The following TCP11L2 variants were observed in gnomAD, a reference collection of about 807,000 sequenced individuals.
TCP11L2 encodes the protein T-complex protein 11-like protein 2.
TCP11L2 carries 39 observed loss-of-function variants against 50.7 expected under a neutral mutation model. The observed-to-expected ratio is 0.77, with a 90% confidence interval of 0.60 to 1.01. The LOEUF is 1.01. TCP11L2 is among the 50% of genes least tolerant of loss of function. The pLI is 0.00. For synonymous variants in TCP11L2, 192 were observed against 219.3 expected, an observed-to-expected ratio of 0.88 and a Z score of 1.10; for missense variants, 612 against 614.7, an observed-to-expected ratio of 1.00 and a Z score of 0.05.
At chr12:106,335,551 A>G in intron 6 of TCP11L2, 88 bp from the exon 7 acceptor site, 1 of 1,385,686 alleles carries the variant, frequency 7.2e-7, no homozygotes, top group Non-Finnish European at 9.9e-7. Context: ...ATTCATGCCC[A>G]GCACCCAACA....
At chr12:106,317,389 G>A (rs985745798) in intron 3 of TCP11L2, among the ~76,000 whole-genome samples, 2 of 152,122 alleles carry the variant, frequency 1.3e-5, no homozygotes, top group East Asian at 3.9e-4. Flanking sequence ...GGCAGTGCAT[G>A]CCTGTAATCC....
intron 6 of TCP11L2, among the ~76,000 whole-genome samples, chr12:106,331,949 T>C (rs2035761159): frequency 6.6e-6 from 1 of 152,270 alleles, no homozygotes; most frequent in African/African-American, 2.4e-5. Flanking sequence ...CAGCAGTCTG[T>C]TGCTGATCAG....
chr12:106,318,308 G>A (rs1420282818), intron 3 of TCP11L2, 36 bp from the exon 4 acceptor site: 1 of 1,600,904 alleles, frequency 6.2e-7, no homozygotes, highest in South Asian at 1.1e-5. Context: ...AAAAAGTTAT[G>A]CTTATTTTAA....
rs2036073086 is a variant in TCP11L2 at position 106,340,853 on chromosome 12, T to G, written c.1170T>G (p.Asn390Lys). The change falls in exon 9 of 10, where the codon AAT becomes AAG. Residue 390 changes from asparagine (N) to lysine (K), a missense_variant. Asn to Lys is a moderately conservative substitution (Grantham distance 94). Coordinates refer to ENST00000299045, the MANE Select transcript of TCP11L2 (RefSeq NM_152772.3). The part of the protein sequence containing the change: ...KETFNLKEVL[N>K]SIGIQTCVEV... The stretch of plus-strand genomic sequence containing the variant: ...CCTTTAACTTGAAGGAAGTCCTGAA[T>G]TCTATTGGTATTCAGACTTGTGTTG... The G allele has an allele frequency of 6.2e-7, 1 of 1,604,740 alleles. No homozygotes were observed. The highest frequency in any genetic ancestry group is 1.1e-5 in the South Asian group (1 of 88,404).
At chr12:106,301,503 G>A (rs2034413083), upstream of TCP11L2, among the ~76,000 whole-genome samples, 1 of 152,192 alleles carries the variant, frequency 6.6e-6, no homozygotes, top group Non-Finnish European at 1.5e-5. Flanking sequence ...GAACCATAGA[G>A]GAGTCTGTGT....
chr12:106,302,329 C>T (rs1472964335), upstream of TCP11L2, among the ~76,000 whole-genome samples: 1 of 96,948 alleles, frequency 1.0e-5, no homozygotes, highest in Non-Finnish European at 2.2e-5. Context: ...TCCCCCCGCT[C>T]AGCCCCCGCT....
At chr12:106,321,728 AT>A (rs750745634) in intron 5 of TCP11L2, 22 bp downstream of exon 5, 1 of 1,604,868 alleles carries the variant, frequency 6.2e-7, no homozygotes, top group African/African-American at 1.3e-5. Flanking sequence ...TGCTGTTTGC[AT>A]TTCCTAGAGT....
chr12:106,313,450 A>G (rs964419082), intron 2 of TCP11L2, among the ~76,000 whole-genome samples: 1 of 151,940 alleles, frequency 6.6e-6, no homozygotes, highest in South Asian at 2.1e-4. Context: ...GTATGGTGAC[A>G]TGTGCCTGTA....
chr12:106,320,792 A>C (rs2136696687), intron 4 of TCP11L2, among the ~76,000 whole-genome samples: 1 of 152,282 alleles, frequency 6.6e-6, no homozygotes, highest in African/African-American at 2.4e-5. Flanking sequence ...ACAATAAACA[A>C]TGTGCCGTGA....
At chr12:106,330,784 C>T (rs990977645) in intron 6 of TCP11L2, among the ~76,000 whole-genome samples, 1 of 152,078 alleles carries the variant, frequency 6.6e-6, no homozygotes, top group Non-Finnish European at 1.5e-5. Context: ...TAGAGGGAGC[C>T]ATTTCCACTT....
At chr12:106,310,758 T>A (rs1463841896) in intron 1 of TCP11L2, among the ~76,000 whole-genome samples, 1 of 152,234 alleles carries the variant, frequency 6.6e-6, no homozygotes, top group Non-Finnish European at 1.5e-5. Context: ...GTCCTGCATC[T>A]TTTTAAAAAG....
At chr12:106,331,244 T>C (rs569164330) in intron 6 of TCP11L2, among the ~76,000 whole-genome samples, 2 of 152,334 alleles carry the variant, frequency 1.3e-5, no homozygotes, top group African/African-American at 4.8e-5. Flanking sequence ...TAACATCTCC[T>C]TTAAAGCATT....
chr12:106,329,646 G>C (rs546018936), intron 6 of TCP11L2: 109 of 1,281,314 alleles, frequency 8.5e-5, no homozygotes, highest in Non-Finnish European at 5.9e-6. Context: ...AGTCAGCCAG[G>C]ATTGAGAACC....
At chr12:106,340,751 C>CA in intron 8 of TCP11L2, 75 bp from the exon 9 acceptor site, 1 of 1,291,450 alleles carries the variant, frequency 7.7e-7, no homozygotes, top group Non-Finnish European at 1.1e-6. Context: ...ACATCTAAAA[C>CA]AAGTCTGTAT....
upstream of TCP11L2, among the ~76,000 whole-genome samples, chr12:106,301,216 C>T (rs1260997182): frequency 6.6e-6 from 1 of 152,124 alleles, no homozygotes; most frequent in African/African-American, 2.4e-5. Context: ...TATTTAATCT[C>T]TTAACCTGTA....
chr12:106,302,204 C>T (rs1457964301), upstream of TCP11L2, among the ~76,000 whole-genome samples: 1 of 152,138 alleles, frequency 6.6e-6, no homozygotes, highest in Non-Finnish European at 1.5e-5. Flanking sequence ...CGGCCGGGAG[C>T]TCGCAGTGTG....
At position 106,321,586 on chromosome 12, in the gene TCP11L2, C is replaced by A. The variant is rs1423455980; in HGVS notation, c.515C>A (p.Ala172Asp). ...DLIRQQAEHS[A>D]VDIQGLANYV... is the part of the protein sequence containing the mutation. ...ATTAGGCAGCAGGCTGAGCACAGTG[C>A]TGTTGACATCCAAGGCCTGGCCAAC... The change falls in exon 5 of 10, where the codon GCT (alanine) becomes GAT (aspartate). Residue 172 changes from alanine to aspartate, a missense_variant. By Grantham distance (126) the Ala-to-Asp change is moderately radical (BLOSUM62 -2). Coordinates refer to ENST00000299045, the MANE Select transcript of TCP11L2 (RefSeq NM_152772.3). 1.2e-6 allele frequency: 2 copies of A among 1,614,232 alleles called. No individual in the cohort carries two copies. The highest frequency in any genetic ancestry group is 1.7e-6 in the Non-Finnish European group (2 of 1,180,040).
chr12:106,300,845 A>G (rs78146257), upstream of TCP11L2, among the ~76,000 whole-genome samples: 107 of 152,330 alleles, frequency 7.0e-4, no homozygotes, highest in African/African-American at 2.4e-3. Flanking sequence ...CTGAACTTTA[A>G]AAGAAGTGTC....
upstream of TCP11L2, among the ~76,000 whole-genome samples, chr12:106,300,729 G>A (rs1159444113): frequency 6.6e-6 from 1 of 152,206 alleles, no homozygotes; most frequent in Admixed American, 6.5e-5. Flanking sequence ...AGTAACAGAA[G>A]ATAGTATTTC....
Sources: gnomAD v4.1 joint callset for allele counts (sites outside exome capture counted in the v4.1 genomes callset) on GRCh38, gnomAD v4.1.1 for gene constraint, MANE v1.5 for transcripts, NCBI Gene and HGNC (gene_info 2026-07-23, HGNC 2026-07-21) for gene names.